The following POT1 variants were observed in gnomAD, a reference collection of about 807,000 sequenced individuals.
The protein encoded by POT1 is protection of telomeres protein 1.
In POT1, 47 loss-of-function variants were observed where a neutral mutation model predicts 78.5. The ratio of observed to expected loss-of-function variants is 0.60; its 90% CI spans 0.47 to 0.76. The LOEUF (loss-of-function observed/expected upper bound fraction) is 0.76, where lower values mean the gene tolerates loss of function less well. Among genes scored for constraint, POT1 ranks in the 30% least tolerant of loss-of-function variants. The pLI, the probability that POT1 is intolerant of heterozygous loss-of-function variation, is 0.00. For missense variants in POT1, 646 were observed against 749.9 expected (o/e 0.86, Z 1.62); for synonymous variants, 259 against 260.7 (o/e 0.99, Z 0.06).
At chr7:124,846,331 CCTT>C (rs1375611565) in intron 12 of POT1, among the ~76,000 whole-genome samples, 1 of 152,120 alleles carries the variant, frequency 6.6e-6, no homozygotes, top group Non-Finnish European at 1.5e-5. Flanking sequence ...TTTCATCAAT[CCTT>C]CTTCCATTCA....
At chr7:124,843,533 A>G (rs1490909371) in intron 12 of POT1, among the ~76,000 whole-genome samples, 1 of 152,062 alleles carries the variant, frequency 6.6e-6, no homozygotes, top group Non-Finnish European at 1.5e-5. Context: ...GAGGGAGAGG[A>G]AAAATAAGAG....
intron 15 of POT1, among the ~76,000 whole-genome samples, chr7:124,831,867 G>T (rs1794766590): frequency 6.6e-6 from 1 of 151,800 alleles, no homozygotes; most frequent in African/African-American, 2.4e-5. Context: ...CACATATAAT[G>T]AAGGCATAAA....
At chr7:124,842,493 A>G (rs1795051438) in intron 13 of POT1, among the ~76,000 whole-genome samples, 1 of 152,028 alleles carries the variant, frequency 6.6e-6, no homozygotes, top group Non-Finnish European at 1.5e-5. Flanking sequence ...TCAGTTAATA[A>G]AGGTTTATAT....
rs138292954 is a variant in POT1, at chr7:124,850,576, A to T, written c.949+1296T>A. On this transcript the variant is annotated intron_variant, in intron 11 of 18. Transcript: ENST00000357628. The stretch of plus-strand genomic sequence containing the variant: ...CCCCGTCTCTACTAAAAATATATAT[A>T]AAAAAATTAGCCGGGTGTGGTGGCG... Among the ~76,000 whole-genome samples the T allele has an allele frequency of 5.0e-3, 765 of 152,102 alleles. 10 individuals are homozygous for T. The highest frequency in any genetic ancestry group is 0.017 in the African/African-American group (702 of 41,488).
Position 124,926,890 on chromosome 7 carries a change from C to G in POT1, c.-227+1925G>C, listed in dbSNP as rs574754990. 3.3e-5 allele frequency among the ~76,000 whole-genome samples: 5 copies of G among 152,192 alleles called. No homozygotes were observed. In the South Asian group the frequency reaches 1.0e-3, roughly 32 times the overall value. On this transcript the variant is annotated intron_variant, in intron 2 of 18. Transcript: ENST00000357628. ...ACTAAATAATGTGTACACACAGAAG[C>G]AGAGTGTACAGAGATGGACAATGGA... is the stretch of plus-strand genomic sequence containing the variant.
intron 3 of POT1, among the ~76,000 whole-genome samples, chr7:124,908,721 T>C (rs1373220511): frequency 6.6e-6 from 1 of 151,970 alleles, no homozygotes; most frequent in Non-Finnish European, 1.5e-5. Context: ...TCTTATTCAC[T>C]GCTATATCTC....
chr7:124,879,038 T>C (rs939185497), intron 6 of POT1, among the ~76,000 whole-genome samples: 1 of 152,142 alleles, frequency 6.6e-6, no homozygotes, highest in Non-Finnish European at 1.5e-5. Flanking sequence ...AGGAATTATA[T>C]TTTCCATAGT....
chr7:124,839,298 A>G (rs12666427), intron 14 of POT1, among the ~76,000 whole-genome samples: 60,619 of 151,992 alleles, frequency 0.4, 12,218 homozygotes, highest in East Asian at 0.5. Flanking sequence ...ATACTGTTTT[A>G]TATGAGACTC....
intron 2 of POT1, among the ~76,000 whole-genome samples, chr7:124,920,355 T>C (rs1797119729): frequency 1.3e-5 from 2 of 152,176 alleles, no homozygotes; most frequent in Non-Finnish European, 2.9e-5. Context: ...ATGCCATTTA[T>C]ATGACATTCT....
intron 15 of POT1, among the ~76,000 whole-genome samples, chr7:124,832,821 CAAAAA>C (rs36025106): frequency 8.8e-6 from 1 of 114,166 alleles, no homozygotes. Flanking sequence ...GACTTCATCT[CAAAAA>C]AAAAAAAAAA....
chr7:124,849,042 T>C (rs1207121251), intron 11 of POT1, among the ~76,000 whole-genome samples: 2 of 152,190 alleles, frequency 1.3e-5, no homozygotes, highest in East Asian at 3.9e-4. Flanking sequence ...CATTCTATTA[T>C]ACATAACAGT....
intron 3 of POT1, among the ~76,000 whole-genome samples, chr7:124,909,588 GTCT>G (rs1796841881): frequency 6.6e-6 from 1 of 151,698 alleles, no homozygotes; most frequent in African/African-American, 2.4e-5. Context: ...TGTGACCTCA[GTCT>G]TCACATCATT....
At position 124,860,051 on chromosome 7, in the gene POT1, C is replaced by T. The variant is rs560683451; in HGVS notation, c.547-939G>A. On this transcript the variant is annotated intron_variant, in intron 8 of 18. Transcript: ENST00000357628. Reference sequence around the variant, plus strand: ...AATGATTATACTATTTTGTATGTAACCAGACATTATATCGAGTAATGTCTA... The same window carrying T: ...AATGATTATACTATTTTGTATGTAATCAGACATTATATCGAGTAATGTCTA... Among the ~76,000 whole-genome samples, 178 of 151,860 alleles carry T rather than the reference C, an allele frequency of 1.2e-3. 1 individual carries two copies. Among genetic ancestry groups the T allele is most frequent in the African/African-American group, 3.9e-3 (162 of 41,456 alleles).
rs572825502 is a variant in POT1, at chr7:124,866,957, T to C, written c.256-3317A>G. On this transcript the variant is annotated intron_variant, in intron 7 of 18. Transcript: ENST00000357628. Reference sequence around the variant, plus strand: ...TACTTGATGTATATGCTGCTTCTCTTTTATACTCCAATGTCTGATTGATTC... The same window carrying C: ...TACTTGATGTATATGCTGCTTCTCTCTTATACTCCAATGTCTGATTGATTC... Among the ~76,000 whole-genome samples, 13 of 152,318 alleles carry C rather than the reference T, an allele frequency of 8.5e-5. No individual in the cohort carries two copies. In the South Asian group the frequency reaches 2.3e-3, roughly 27 times the overall value.
In POT1 at chr7:124,844,732, C is replaced by CA. The variant is rs33956452; in HGVS notation, c.1007-1770dup. On this transcript the variant is annotated intron_variant, in intron 12 of 18. Transcript: ENST00000357628. ...CCTGGGCGACAGCGAGACTCCGCCT[C>CA]AAAAAAAAAAAAAAAAAAAAAAAGG... 3.9e-3 allele frequency among the ~76,000 whole-genome samples: 243 copies of CA among 62,792 alleles called. 2 individuals carry two copies. The highest frequency in any genetic ancestry group is 7.2e-3 in the African/African-American group (112 of 15,576). 41.2% of individuals were successfully genotyped at this position (62,792 alleles called of 152,430 possible). A position where few individuals can be genotyped will look rare whatever the true frequency, so the allele number is the denominator to read the frequency against.
At chr7:124,852,044 T>C (rs1795321916) in intron 10 of POT1, 93 bp from the exon 11 acceptor site, 18 of 848,932 alleles carry the variant, frequency 2.1e-5, no homozygotes, top group Non-Finnish European at 3.0e-5. Context: ...TTCATTGAAA[T>C]TGTATATAAA....
rs1795547833 is a variant in POT1 at position 124,859,997 on chromosome 7, A to G, written c.547-885T>C. ...TGTGGTTAGTAAAAAAGGTACCAAT[A>G]TTAATATTGTGCCCAGGTTGAGATG... On this transcript the variant is annotated intron_variant, in intron 8 of 18. Transcript: ENST00000357628. Among the ~76,000 whole-genome samples the G allele has an allele frequency of 3.9e-5, 6 of 152,194 alleles. No homozygotes were observed. In the South Asian group the frequency reaches 8.3e-4, roughly 21 times the overall value.
At chr7:124,876,468 G>GA (rs1408495110) in intron 6 of POT1, among the ~76,000 whole-genome samples, 10 of 151,942 alleles carry the variant, frequency 6.6e-5, no homozygotes, top group Non-Finnish European at 1.2e-4. Flanking sequence ...AAAATAGAAG[G>GA]AAAAAAATGA....
At chr7:124,875,098 C>T (rs1161622455) in intron 6 of POT1, among the ~76,000 whole-genome samples, 1 of 152,102 alleles carries the variant, frequency 6.6e-6, no homozygotes, top group Non-Finnish European at 1.5e-5. Context: ...AGGACTGATA[C>T]TTCATGACAT....
Sources: allele counts gnomAD v4.1 joint callset (sites outside exome capture counted in the v4.1 genomes callset), GRCh38; gene constraint gnomAD v4.1.1; transcripts MANE v1.5; gene names NCBI Gene and HGNC (gene_info 2026-07-23, HGNC 2026-07-21).